The following ANK3 variants were observed in gnomAD, a reference collection of about 807,000 sequenced individuals.
The protein encoded by ANK3 is ankyrin-3.
ANK3 carries 57 observed loss-of-function variants against 370.9 expected under a neutral mutation model. The ratio of observed to expected loss-of-function variants is 0.15; its 90% CI spans 0.12 to 0.19. The LOEUF is 0.19. Ranked by LOEUF, ANK3 falls within the 10% of genes least tolerant of loss-of-function variation. ANK3 has a pLI of 1.00. For missense variants in ANK3, 4,439 were observed against 5,302.1 expected (o/e 0.84, Z 5.06); for synonymous variants, 1,929 against 1,946.3 (o/e 0.99, Z 0.23).
intron 1 of ANK3, among the ~76,000 whole-genome samples, chr10:60,631,537 TA>T (rs1409710746): frequency 4.6e-5 from 7 of 151,734 alleles, no homozygotes; most frequent in African/African-American, 1.7e-4. Flanking sequence ...TCTCAAAAAA[TA>T]AAATAAAATA....
At chr10:60,545,608 A>AT (rs2076946404) in intron 2 of ANK3, among the ~76,000 whole-genome samples, 1 of 152,132 alleles carries the variant, frequency 6.6e-6, no homozygotes, top group Non-Finnish European at 1.5e-5. Flanking sequence ...AATGTGTAAG[A>AT]TTTTCAAGGG....
chr10:60,400,480 C>T (rs2063331138), intron 2 of ANK3, among the ~76,000 whole-genome samples: 1 of 152,062 alleles, frequency 6.6e-6, no homozygotes, highest in African/African-American at 2.4e-5. Flanking sequence ...AACAACAATC[C>T]TAAGGTAACT....
At chr10:60,240,125 T>TATATATACACACAC (rs1565914679) in intron 7 of ANK3, among the ~76,000 whole-genome samples, 4 of 92,860 alleles carry the variant, frequency 4.3e-5, no homozygotes, top group African/African-American at 1.6e-4. Context: ...TATACACACA[T>TATATATACACACAC]ATATATACAT....
At chr10:60,220,546 C>A (rs1418266492) in intron 8 of ANK3, among the ~76,000 whole-genome samples, 3 of 152,200 alleles carry the variant, frequency 2.0e-5, no homozygotes, top group African/African-American at 7.2e-5. Flanking sequence ...GTCCCCACAA[C>A]CCCTTATCAT....
At chr10:60,368,650 AT>A (rs2059713841) in intron 1 of ANK3, among the ~76,000 whole-genome samples, 1 of 152,186 alleles carries the variant, frequency 6.6e-6, no homozygotes, top group African/African-American at 2.4e-5. Flanking sequence ...TACTTGAAAT[AT>A]TTTTGACAGG....
intron 1 of ANK3, among the ~76,000 whole-genome samples, chr10:60,631,991 G>A (rs1287459353): frequency 6.6e-6 from 1 of 152,134 alleles, no homozygotes; most frequent in Admixed American, 6.5e-5. Flanking sequence ...GTGCCTTAAA[G>A]TCTAGTCTCA....
chr10:60,358,643 G>A (rs1236521325), intron 1 of ANK3, among the ~76,000 whole-genome samples: 2 of 152,146 alleles, frequency 1.3e-5, no homozygotes, highest in South Asian at 2.1e-4. Context: ...ATCCCTACTT[G>A]TATATCTGAC....
rs79722566 is a variant in ANK3 at position 60,091,238 on chromosome 10, C to A, written c.3329-2880G>T. Among the ~76,000 whole-genome samples, 14 of 152,296 alleles carry A rather than the reference C, an allele frequency of 9.2e-5. No individual in the cohort carries two copies. The East Asian group carries it at 2.7e-3, about 29-fold the overall frequency. ...TTATAAAGACTAAAGCTTGAAAGAA[C>A]TTGCATCTCTATGAATAAGGGAATG... On this transcript the variant is annotated intron_variant, in intron 28 of 43. Transcript: ENST00000280772.
chr10:60,369,645 A>G (rs2059850107), intron 1 of ANK3, among the ~76,000 whole-genome samples: 1 of 152,182 alleles, frequency 6.6e-6, no homozygotes, highest in African/African-American at 2.4e-5. Context: ...TGTATATCTC[A>G]CAATCATTCC....
intron 8 of ANK3, among the ~76,000 whole-genome samples, chr10:60,218,088 TTTTTC>T (rs1261793649): frequency 1.2e-4 from 17 of 140,388 alleles, no homozygotes; most frequent in Non-Finnish European, 2.3e-4. Context: ...CTGCTTTTTC[TTTTTC>T]TTTCTTTTTT....
At chr10:60,096,747 A>C (rs2090207005) in intron 28 of ANK3, among the ~76,000 whole-genome samples, 1 of 121,574 alleles carries the variant, frequency 8.2e-6, no homozygotes, top group Non-Finnish European at 1.7e-5. Flanking sequence ...GTTTAATATG[A>C]GAAGAAAAGC....
intron 2 of ANK3, among the ~76,000 whole-genome samples, chr10:60,465,589 A>C (rs1019843633): frequency 1.3e-5 from 2 of 152,186 alleles, no homozygotes; most frequent in Non-Finnish European, 2.9e-5. Context: ...TGAGTAAGAA[A>C]GTGTGACTAG....
intron 2 of ANK3, among the ~76,000 whole-genome samples, chr10:60,476,205 C>T (rs1171936524): frequency 6.6e-6 from 1 of 151,930 alleles, no homozygotes; most frequent in Non-Finnish European, 1.5e-5. Flanking sequence ...GAAAAGAGAA[C>T]AATGAAGTTC....
intron 42 of ANK3, among the ~76,000 whole-genome samples, chr10:60,050,101 A>G (rs1021991295): frequency 6.6e-6 from 1 of 152,180 alleles, no homozygotes; most frequent in South Asian, 2.1e-4. Context: ...GAATAGCAAA[A>G]ACTCAGAAAA....
chr10:60,310,280 C>T (rs771765088), intron 1 of ANK3, among the ~76,000 whole-genome samples: 1 of 152,092 alleles, frequency 6.6e-6, no homozygotes. Context: ...TGCACACTCA[C>T]CCGCAGGTTT....
chr10:60,186,807 T>A lies in ANK3; in HGVS notation c.1993A>T (p.Ile665Phe). The A allele has an allele frequency of 6.2e-7, 1 of 1,614,178 alleles. No homozygotes were observed. Among genetic ancestry groups the A allele is most frequent in the South Asian group, 1.1e-5 (1 of 91,080 alleles). The change falls in exon 17 of 44, where the codon ATT becomes TTT. Residue 665 changes from isoleucine (I) to phenylalanine (F), a missense_variant. This residue lies in a region of ANK3 where 192 missense variants were observed against 192.1 expected (regional missense o/e 1.00). Coordinates refer to ENST00000280772, the MANE Select transcript of ANK3 (RefSeq NM_020987.5). ...TGAGCTGCGAGATGGACGGAAGCAA[T>A]TCCTTGCCGGGTAACTGCGTTGGCA... ...ADANAVTRQGIASVHLAAQEG... is the reference protein window; with the variant it reads ...ADANAVTRQGFASVHLAAQEG...
chr10:60,239,811 A>G (rs1022808917), intron 7 of ANK3, among the ~76,000 whole-genome samples: 2 of 152,108 alleles, frequency 1.3e-5, no homozygotes, highest in African/African-American at 4.8e-5. Flanking sequence ...AACCACACAT[A>G]GATGAAAAGG....
chr10:60,521,438 T>C (rs952931228), intron 2 of ANK3, among the ~76,000 whole-genome samples: 5 of 152,104 alleles, frequency 3.3e-5, no homozygotes, highest in South Asian at 2.1e-4. Context: ...GGAAAAAGCA[T>C]AGTGGTATTA....
At chr10:60,114,394 C>A in intron 25 of ANK3, 63 bp from the exon 26 acceptor site, 9 of 806,792 alleles carry the variant, frequency 1.1e-5, no homozygotes, top group South Asian at 1.8e-5. Context: ...TTTCTCTACA[C>A]ATATAAAATA....
Sources: allele counts gnomAD v4.1 joint callset (sites outside exome capture counted in the v4.1 genomes callset), GRCh38; gene constraint gnomAD v4.1.1; regional missense constraint gnomAD v4.1.1; transcripts MANE v1.5; gene names NCBI Gene and HGNC (gene_info 2026-07-23, HGNC 2026-07-21).